Variants in GSK3B observed in about 807,000 individuals in gnomAD.
GSK3B encodes the protein glycogen synthase kinase 3 beta, also known as glycogen synthase kinase-3 beta.
Under a neutral mutation model 56.4 loss-of-function variants are expected in GSK3B, and 15 were observed. That is an observed-to-expected ratio of 0.27 (90% CI 0.18 to 0.41). The LOEUF is 0.41. GSK3B is among the 10% of genes least tolerant of loss of function. The probability of loss-of-function intolerance (pLI) is 1.00; values close to 1 mark genes in which losing one functional copy is unlikely to be tolerated. For synonymous variants in GSK3B, 181 were observed against 188.9 expected (o/e 0.96, Z 0.34); for missense variants, 300 against 513.4 (o/e 0.58, Z 4.02).
At chr3:120,087,931 C>T (rs1360220547) in intron 1 of GSK3B, among the ~76,000 whole-genome samples, 3 of 151,846 alleles carry the variant, frequency 2.0e-5, no homozygotes, top group East Asian at 1.9e-4. Flanking sequence ...CTCTCTCTGT[C>T]GCCCAGGCTG....
intron 1 of GSK3B, among the ~76,000 whole-genome samples, chr3:120,004,926 T>C (rs1046400415): frequency 6.6e-6 from 1 of 152,174 alleles, no homozygotes; most frequent in African/African-American, 2.4e-5. Flanking sequence ...CAGAATGAGT[T>C]TGACAAGATG....
chr3:119,841,984 A>C (rs570090304), intron 10 of GSK3B, among the ~76,000 whole-genome samples: 8 of 152,322 alleles, frequency 5.3e-5, no homozygotes, highest in Admixed American at 3.3e-4. Context: ...TATCTCCTGC[A>C]GCATAAATAC....
chr3:119,862,136 A>C (rs181088615), intron 9 of GSK3B, among the ~76,000 whole-genome samples: 1 of 151,524 alleles, frequency 6.6e-6, no homozygotes, highest in Non-Finnish European at 1.5e-5. Context: ...AATGTCCAAC[A>C]ATGATAGACT....
intron 2 of GSK3B, among the ~76,000 whole-genome samples, chr3:119,951,291 G>A (rs1053848829): frequency 6.6e-6 from 1 of 152,236 alleles, no homozygotes; most frequent in African/African-American, 2.4e-5. Flanking sequence ...GCTGAAAGTG[G>A]CAGGGTGCAG....
At chr3:120,015,422 G>A (rs1359722339) in intron 1 of GSK3B, among the ~76,000 whole-genome samples, 4 of 151,782 alleles carry the variant, frequency 2.6e-5, no homozygotes, top group East Asian at 1.9e-4. Context: ...AGGCCGAGGC[G>A]GGTGGATCAT....
rs2055503017 is a variant in GSK3B, at chr3:119,826,248, G to C, written c.*540C>G. On this transcript the variant is annotated 3_prime_UTR_variant, in exon 11 of 11. Coordinates refer to ENST00000264235, the MANE Select transcript of GSK3B (RefSeq NM_001146156.2). ...CACACCTGCCACCAACATGCCAAAG[G>C]CAAGTCTATAAATACCCGAAGATAT... is the stretch of plus-strand genomic sequence containing the variant. 7.4e-6 allele frequency: 2 copies of C among 271,554 alleles called. No homozygotes were observed. The highest frequency in any genetic ancestry group is 4.4e-5 in the African/African-American group (2 of 45,230). 16.8% of individuals were successfully genotyped at this position (271,554 alleles called of 1,614,324 possible). A position where few individuals can be genotyped will look rare whatever the true frequency, so the allele number is the denominator to read the frequency against.
At chr3:119,992,292 A>G (rs1482210627) in intron 2 of GSK3B, among the ~76,000 whole-genome samples, 4 of 152,134 alleles carry the variant, frequency 2.6e-5, no homozygotes, top group Non-Finnish European at 2.9e-5. Flanking sequence ...AATAAAATGG[A>G]AAGTCCAGAA....
chr3:119,854,654 G>A (rs942112643), intron 9 of GSK3B, among the ~76,000 whole-genome samples: 46 of 152,298 alleles, frequency 3.0e-4, no homozygotes, highest in African/African-American at 1.1e-3. Flanking sequence ...TTGGGAGGGT[G>A]TATGTTTCCA....
chr3:120,013,795 A>T (rs904511221), intron 1 of GSK3B, among the ~76,000 whole-genome samples: 2 of 151,918 alleles, frequency 1.3e-5, no homozygotes, highest in Admixed American at 1.3e-4. Context: ...AACTCTGGCC[A>T]CTGTAAATTT....
intron 1 of GSK3B, among the ~76,000 whole-genome samples, chr3:120,023,689 G>T (rs2057899004): frequency 6.6e-6 from 1 of 151,998 alleles, no homozygotes; most frequent in South Asian, 2.1e-4. Context: ...CTTTGTCCTA[G>T]GTATCTCCAA....
chr3:119,859,402 T>A (rs1399510498), intron 9 of GSK3B, among the ~76,000 whole-genome samples: 1 of 152,152 alleles, frequency 6.6e-6, no homozygotes, highest in Non-Finnish European at 1.5e-5. Context: ...AACAGGAAAA[T>A]AAGTTTAAAA....
chr3:120,022,507 C>T (rs2057888225), intron 1 of GSK3B, among the ~76,000 whole-genome samples: 1 of 152,054 alleles, frequency 6.6e-6, no homozygotes, highest in Non-Finnish European at 1.5e-5. Context: ...TTTGTATTTG[C>T]CTTATCTTCC....
At chr3:119,840,107 G>A (rs1045896818) in intron 10 of GSK3B, among the ~76,000 whole-genome samples, 1 of 152,124 alleles carries the variant, frequency 6.6e-6, no homozygotes, top group Admixed American at 6.6e-5. Context: ...TCTGTGTGGA[G>A]AGATGCATGT....
chr3:120,054,382 CT>C (rs2058176372), intron 1 of GSK3B, among the ~76,000 whole-genome samples: 2 of 152,238 alleles, frequency 1.3e-5, no homozygotes, highest in South Asian at 4.2e-4. Flanking sequence ...ACTTCTCCAG[CT>C]TCTACACCCA....
intron 7 of GSK3B, among the ~76,000 whole-genome samples, chr3:119,887,289 T>A (rs1576175264): frequency 6.6e-6 from 1 of 151,902 alleles, no homozygotes; most frequent in Admixed American, 6.6e-5. Context: ...ACTAAGAAAC[T>A]GGCTGACAAA....
intron 2 of GSK3B, among the ~76,000 whole-genome samples, chr3:119,968,285 C>T (rs2057337444): frequency 6.6e-6 from 1 of 152,210 alleles, no homozygotes; most frequent in Non-Finnish European, 1.5e-5. Context: ...AGCCACCACA[C>T]CCAGCCTGGA....
At chr3:120,066,313 G>T (rs2058278136) in intron 1 of GSK3B, among the ~76,000 whole-genome samples, 1 of 152,010 alleles carries the variant, frequency 6.6e-6, no homozygotes, top group Admixed American at 6.6e-5. Flanking sequence ...TGATGTACAA[G>T]ATGAGCCTGG....
chr3:120,001,766 T>C (rs575524935), intron 2 of GSK3B, among the ~76,000 whole-genome samples: 3 of 152,360 alleles, frequency 2.0e-5, no homozygotes, highest in South Asian at 2.1e-4. Context: ...TCACTTTTTA[T>C]AGTATAAATT....
At chr3:120,092,228 C>G (rs2058518513) in intron 1 of GSK3B, among the ~76,000 whole-genome samples, 1 of 152,132 alleles carries the variant, frequency 6.6e-6, no homozygotes, top group Non-Finnish European at 1.5e-5. Context: ...ATATTAAACA[C>G]TTCAAGAGCA....
Sources: gnomAD v4.1 joint callset for allele counts (sites outside exome capture counted in the v4.1 genomes callset) on GRCh38, gnomAD v4.1.1 for gene constraint, MANE v1.5 for transcripts, NCBI Gene and HGNC (gene_info 2026-07-23, HGNC 2026-07-21) for gene names.